The following AGMO variants were observed in gnomAD, a reference collection of about 807,000 sequenced individuals.
AGMO encodes glyceryl-ether monooxygenase.
Under a neutral mutation model 60.2 loss-of-function variants are expected in AGMO, and 75 were observed. That is an observed-to-expected ratio of 1.25 (90% CI 1.03 to 1.51). The LOEUF is 1.51. AGMO is among the 40% of genes most tolerant of loss of function. AGMO has a pLI of 0.00. For missense variants in AGMO, 763 were observed against 525.5 expected (o/e 1.45, Z -4.42); for synonymous variants, 261 against 177.1 (o/e 1.47, Z -3.76).
chr7:15,229,189 T>G (rs1168421561), intron 12 of AGMO, among the ~76,000 whole-genome samples: 1 of 152,056 alleles, frequency 6.6e-6, no homozygotes, highest in East Asian at 1.9e-4. Flanking sequence ...CAAACACAAA[T>G]GATTCATTGG....
At chr7:15,487,443 T>C (rs1782953004) in intron 3 of AGMO, among the ~76,000 whole-genome samples, 1 of 152,066 alleles carries the variant, frequency 6.6e-6, no homozygotes, top group African/African-American at 2.4e-5. Context: ...ATACTTAATA[T>C]AGTAAAGATT....
In AGMO at chr7:15,322,672, ATATATG is replaced by A. The variant is rs1335345834; in HGVS notation, c.1263+42836_1263+42841del. On this transcript the variant is annotated intron_variant, in intron 12 of 12. Transcript: ENST00000342526. ...TAAATATATATATAAATATATATAAATATATGTATATATAAATATATGAATATGTAT... is the reference window on the plus strand; with the variant it reads ...TAAATATATATATAAATATATATAAATATATATAAATATATGAATATGTAT... Among the ~76,000 whole-genome samples the A allele has an allele frequency of 6.6e-4, 48 of 72,606 alleles. 6 individuals are homozygous for A. The highest frequency in any genetic ancestry group is 1.6e-3 in the African/African-American group (20 of 12,876). The allele number at this position is 72,606 out of a possible 152,430, so 47.6% of individuals were successfully genotyped here.
intron 3 of AGMO, among the ~76,000 whole-genome samples, chr7:15,496,127 C>A (rs1418397875): frequency 6.6e-6 from 1 of 152,224 alleles, no homozygotes; most frequent in Non-Finnish European, 1.5e-5. Flanking sequence ...GGTGGAACTG[C>A]AAACAGCATC....
chr7:15,374,818 A>G (rs1783381021), intron 10 of AGMO, among the ~76,000 whole-genome samples: 1 of 152,096 alleles, frequency 6.6e-6, no homozygotes, highest in African/African-American at 2.4e-5. Flanking sequence ...CAAGAAGGCT[A>G]GCATTTGGAA....
intron 12 of AGMO, among the ~76,000 whole-genome samples, chr7:15,264,979 C>G (rs1206353702): frequency 1.3e-5 from 2 of 152,002 alleles, no homozygotes; most frequent in Non-Finnish European, 2.9e-5. Flanking sequence ...GACACATGCA[C>G]TCTTACGTTC....
intron 3 of AGMO, among the ~76,000 whole-genome samples, chr7:15,524,926 A>G (rs1226559913): frequency 6.6e-6 from 1 of 151,996 alleles, no homozygotes; most frequent in African/African-American, 2.4e-5. Context: ...CACACAAATA[A>G]TATATATAGA....
At chr7:15,202,458 C>CAAAGAAAAA (rs1781317434) in intron 12 of AGMO, among the ~76,000 whole-genome samples, 1 of 45,358 alleles carries the variant, frequency 2.2e-5, no homozygotes, top group African/African-American at 6.7e-5. Context: ...TACAAATGAG[C>CAAAGAAAAA]AAAAAAAAAA....
the AGMO span, among the ~76,000 whole-genome samples, chr7:15,180,169 C>G: frequency 6.6e-6 from 1 of 152,112 alleles, no homozygotes; most frequent in Non-Finnish European, 1.5e-5. Flanking sequence ...ACACCTTTGG[C>G]GTTCTTTCTT....
intron 12 of AGMO, among the ~76,000 whole-genome samples, chr7:15,359,796 T>C (rs1283325618): frequency 3.3e-5 from 5 of 152,236 alleles, no homozygotes; most frequent in Non-Finnish European, 5.9e-5. Flanking sequence ...ATGACTAATT[T>C]GTGATATATG....
chr7:15,225,687 A>G (rs532322075), intron 12 of AGMO, among the ~76,000 whole-genome samples: 2 of 151,994 alleles, frequency 1.3e-5, no homozygotes, highest in Non-Finnish European at 2.9e-5. Context: ...ATTGTTACTC[A>G]TGGCAGAATA....
intron 12 of AGMO, among the ~76,000 whole-genome samples, chr7:15,255,853 T>C (rs565439038): frequency 7.9e-5 from 12 of 152,326 alleles, no homozygotes; most frequent in African/African-American, 2.6e-4. Context: ...GGCCAGGTTG[T>C]GGTTTTGTAA....
At chr7:15,239,147 A>G (rs964824896) in intron 12 of AGMO, among the ~76,000 whole-genome samples, 4 of 152,080 alleles carry the variant, frequency 2.6e-5, no homozygotes, top group Admixed American at 6.5e-5. Flanking sequence ...CATCAACACA[A>G]CTTGTTGATG....
rs199707851 is a variant in AGMO, at chr7:15,394,161, G to T, written c.628C>A (p.Pro210Thr). The T allele has an allele frequency of 1.2e-6, 2 of 1,611,222 alleles. No homozygotes were observed. The highest frequency in any genetic ancestry group is 2.2e-5 in the East Asian group (1 of 44,808). ...GGAGTATTAAGAATCAGTTCCAAAG[G>T]ACCAAGGTTATTGATGACCTGTTTA... is the stretch of plus-strand genomic sequence containing the variant. The part of the protein sequence containing the change: ...IHTEVINNLG[P>T]LELILNTPSH... Residue 210 changes from proline (P) to threonine (T), a missense_variant, in exon 6 of 13, where the codon CCT becomes ACT. Pro to Thr is a conservative substitution (Grantham distance 38, BLOSUM62 -1). Coordinates refer to ENST00000342526, the MANE Select transcript of AGMO (RefSeq NM_001004320.2).
chr7:15,176,774 GCTTA>G, the AGMO span, among the ~76,000 whole-genome samples: 29 of 151,916 alleles, frequency 1.9e-4, no homozygotes, highest in Admixed American at 9.2e-4. Context: ...GATCCCCAGA[GCTTA>G]TTTGTCTTAA....
chr7:15,440,333 G>T (rs191516349), intron 3 of AGMO, among the ~76,000 whole-genome samples: 1 of 152,158 alleles, frequency 6.6e-6, no homozygotes, highest in African/African-American at 2.4e-5. Flanking sequence ...AATCATAGGA[G>T]AGTATTGCTC....
At chr7:15,415,693 A>C (rs186581403) in intron 5 of AGMO, among the ~76,000 whole-genome samples, 8 of 152,322 alleles carry the variant, frequency 5.3e-5, no homozygotes, top group Non-Finnish European at 1.2e-4. Flanking sequence ...GTAATAGTGT[A>C]ATAGTATCAT....
chr7:15,504,984 T>C (rs1196201188), intron 3 of AGMO, among the ~76,000 whole-genome samples: 1 of 151,986 alleles, frequency 6.6e-6, no homozygotes, highest in Non-Finnish European at 1.5e-5. Context: ...ATCTTTGAAG[T>C]ATTTTTTTCT....
chr7:15,482,238 T>C (rs1053003353), intron 3 of AGMO, among the ~76,000 whole-genome samples: 1 of 151,538 alleles, frequency 6.6e-6, no homozygotes, highest in African/African-American at 2.4e-5. Context: ...TTCTGAAAGG[T>C]TTGAAAAAAA....
chr7:15,436,691 CAT>C (rs1457040709), intron 3 of AGMO, among the ~76,000 whole-genome samples: 3 of 151,920 alleles, frequency 2.0e-5, no homozygotes, highest in African/African-American at 7.3e-5. Flanking sequence ...AGAAGGAGAA[CAT>C]GTTTCTCATT....
Sources: allele counts gnomAD v4.1 joint callset (sites outside exome capture counted in the v4.1 genomes callset), GRCh38; gene constraint gnomAD v4.1.1; transcripts MANE v1.5; gene names NCBI Gene and HGNC (gene_info 2026-07-23, HGNC 2026-07-21).